The following TGDS variants were observed in gnomAD, a reference collection of about 807,000 sequenced individuals.
The protein encoded by TGDS is TDP-glucose 4,6-dehydratase.
Under a neutral mutation model 52.3 loss-of-function variants are expected in TGDS, and 47 were observed. The ratio of observed to expected loss-of-function variants is 0.90; its 90% CI spans 0.71 to 1.15. The LOEUF is 1.15. Ranked by LOEUF, TGDS falls within the 50% of genes most tolerant of loss-of-function variation. The pLI, the probability that TGDS is intolerant of heterozygous loss-of-function variation, is 0.00. For synonymous variants in TGDS, 115 were observed against 136.9 expected (o/e 0.84, Z 1.12); for missense variants, 375 against 418.4 (o/e 0.90, Z 0.90).
chr13:94,579,619 G>C lies in TGDS; in HGVS notation c.615+275C>G, dbSNP rs187689366. 1.3e-3 allele frequency: 353 copies of C among 269,846 alleles called. 5 individuals carry two copies. Among genetic ancestry groups the C allele is most frequent in the Non-Finnish European group, 1.5e-4 (21 of 144,750 alleles). 16.7% of individuals were successfully genotyped at this position (269,846 alleles called of 1,614,324 possible). On this transcript the variant is annotated intron_variant, in intron 7 of 11. Transcript: ENST00000261296. ...CTATAGTGCTTTAGAGTCTTTAGAA[G>C]TACAAGGTATTTTCACATATATCAT...
At chr13:94,590,194 A>C (rs1002326888) in intron 4 of TGDS, among the ~76,000 whole-genome samples, 7 of 147,946 alleles carry the variant, frequency 4.7e-5, no homozygotes, top group African/African-American at 1.7e-4. Flanking sequence ...ATATATATTT[A>C]ACATATATTA....
chr13:94,583,248 G>C lies in TGDS; in HGVS notation c.314-12C>G, dbSNP rs751009049. The C allele has an allele frequency of 6.2e-7, 1 of 1,609,314 alleles. No individual in the cohort carries two copies. Among genetic ancestry groups the C allele is most frequent in the South Asian group, 1.1e-5 (1 of 90,204 alleles). On this transcript the variant is annotated splice_polypyrimidine_tract_variant and intron_variant, in intron 4 of 11. Transcript: ENST00000261296. Reference sequence around the variant, plus strand: ...TACGAATGAAAGATCTAAAAGAAAAGAGTGAAAAGCTAAAACAAGTCTACC... The same window carrying C: ...TACGAATGAAAGATCTAAAAGAAAACAGTGAAAAGCTAAAACAAGTCTACC...
intron 4 of TGDS, among the ~76,000 whole-genome samples, chr13:94,585,693 G>C (rs1171423908): frequency 6.6e-6 from 1 of 151,612 alleles, no homozygotes; most frequent in African/African-American, 2.4e-5. Context: ...CCAGCTACTT[G>C]GTAGGCTGAA....
In TGDS at chr13:94,576,393, T is replaced by C. The variant is rs1412950633; in HGVS notation, c.903A>G (p.Arg301=). The change falls in exon 11 of 12, where the codon AGA becomes AGG. Residue 301 remains arginine, a synonymous_variant. Transcript: ENST00000261296. The part of the protein sequence containing the change: ...YVNDRPTNDM[R]YPMKSEKIHG... ...GTATTTTTTCTGACTTCATTGGGTA[T>C]CTCATGTCATTGGTGGGTCTTGGAA... The C allele has an allele frequency of 1.3e-6, 2 of 1,596,102 alleles. No individual in the cohort carries two copies. The highest frequency in any genetic ancestry group is 1.7e-6 in the Non-Finnish European group (2 of 1,171,256).
intron 4 of TGDS, among the ~76,000 whole-genome samples, chr13:94,586,485 A>T (rs562007679): frequency 1.1e-4 from 17 of 152,348 alleles, no homozygotes; most frequent in Non-Finnish European, 1.9e-4. Context: ...AACATCATTA[A>T]CCAACTTAAC....
chr13:94,589,536 G>A (rs1030650287), intron 4 of TGDS, among the ~76,000 whole-genome samples: 1 of 151,826 alleles, frequency 6.6e-6, no homozygotes, highest in African/African-American at 2.4e-5. Context: ...GGATGGTCTC[G>A]ATTTCCTGAC....
chr13:94,594,435 T>G (rs1203888121), intron 1 of TGDS, among the ~76,000 whole-genome samples: 1 of 152,186 alleles, frequency 6.6e-6, no homozygotes, highest in African/African-American at 2.4e-5. Context: ...AAACCCAGGA[T>G]TCCCAGGCTA....
intron 4 of TGDS, among the ~76,000 whole-genome samples, chr13:94,587,189 A>G (rs1483430637): frequency 1.3e-5 from 2 of 152,210 alleles, no homozygotes; most frequent in African/African-American, 4.8e-5. Context: ...GTGAAAATTA[A>G]TAAGCTAAAT....
Position 94,578,098 on chromosome 13 carries a change from A to C in TGDS, c.732T>G (p.Thr244=). The C allele has an allele frequency of 6.2e-7, 1 of 1,613,866 alleles. No individual in the cohort carries two copies. Among genetic ancestry groups the C allele is most frequent in the Non-Finnish European group, 8.5e-7 (1 of 1,179,876 alleles). ...YATDVVEAFL[T]VLKKGKPGEI... ...CACCTGGTTTCCCTTTTTTGAGGAC[A>C]GTGAGAAATGCTTCTACAACATCAG... The change falls in exon 9 of 12, where the codon ACT becomes ACG. Residue 244 remains threonine (T), a synonymous_variant. Coordinates refer to ENST00000261296, the MANE Select transcript of TGDS (RefSeq NM_014305.4).
intron 7 of TGDS, chr13:94,579,491 G>C (rs551775976): frequency 1.3e-5 from 2 of 155,080 alleles, no homozygotes; most frequent in African/African-American, 2.4e-5. Context: ...CAAGCTTCTT[G>C]CATCACTATC....
chr13:94,576,855 C>T (rs1213996015), intron 10 of TGDS, among the ~76,000 whole-genome samples: 1 of 152,156 alleles, frequency 6.6e-6, no homozygotes, highest in East Asian at 1.9e-4. Context: ...GTAATCCCAG[C>T]ACTTTCAGAG....
intron 7 of TGDS, chr13:94,579,630 T>G (rs2139518394): frequency 3.4e-6 from 1 of 293,546 alleles, no homozygotes; most frequent in Non-Finnish European, 6.3e-6. Context: ...TACAAGGTAT[T>G]TTCACATATA....
At chr13:94,594,687 C>A (rs1020877357) in intron 1 of TGDS, among the ~76,000 whole-genome samples, 2 of 152,198 alleles carry the variant, frequency 1.3e-5, no homozygotes, top group African/African-American at 4.8e-5. Context: ...CACTCTCACA[C>A]AAGTATCACC....
In TGDS at chr13:94,590,905, A is replaced by T; in HGVS notation, c.261T>A (p.Phe87Leu). The T allele has an allele frequency of 6.3e-7, 1 of 1,577,250 alleles. No individual in the cohort carries two copies. Among genetic ancestry groups the T allele is most frequent in the Non-Finnish European group, 8.6e-7 (1 of 1,168,480 alleles). Reference protein sequence around the residue: ...ICDSHFVKLLFETEKIDIVLH... With the variant: ...ICDSHFVKLLLETEKIDIVLH... ...GTACTATATCTATTTTCTCTGTTTC[A>T]AAAAGCAGTTTCACAAAGTGAGAAT... The change falls in exon 4 of 12, where the codon TTT (phenylalanine) becomes TTA (leucine). Residue 87 changes from phenylalanine (F) to leucine (L), a missense_variant. Coordinates refer to ENST00000261296, the MANE Select transcript of TGDS (RefSeq NM_014305.4).
Position 94,580,013 on chromosome 13 carries a change from A to T in TGDS, c.556-60T>A. 3.4e-6 allele frequency: 4 copies of T among 1,160,188 alleles called. No homozygotes were observed. The Admixed American group carries it at 8.7e-5, about 25-fold the overall frequency. The allele number at this position is 1,160,188 out of a possible 1,614,324, so 71.9% of individuals were successfully genotyped here. A position where few individuals can be genotyped will look rare whatever the true frequency, so the allele number is the denominator to read the frequency against. On this transcript the variant is annotated intron_variant, in intron 6 of 11. Transcript: ENST00000261296. ...AGGTCTAATAATAATGATTATTTTA[A>T]AGATAAGCAGAATTTCAAAATATGG...
chr13:94,577,478 A>G (rs771606483), intron 9 of TGDS, 49 bp from the exon 10 acceptor site: 1 of 1,476,788 alleles, frequency 6.8e-7, no homozygotes, highest in South Asian at 1.3e-5. Flanking sequence ...ATGAGATCAG[A>G]GAATAACAAT....
chr13:94,590,494 A>G (rs1299499882), intron 4 of TGDS, among the ~76,000 whole-genome samples: 1 of 152,150 alleles, frequency 6.6e-6, no homozygotes, highest in Non-Finnish European at 1.5e-5. Context: ...TCAAATTATT[A>G]GAAAATATCT....
chr13:94,576,206 G>A (rs535950735), intron 11 of TGDS, 108 bp downstream of exon 11: 11 of 651,702 alleles, frequency 1.7e-5, no homozygotes, highest in African/African-American at 9.4e-5. Context: ...TGAAAAGTAC[G>A]AATGATTCAA....
chr13:94,580,951 T>G (rs987980659), intron 6 of TGDS, 140 bp downstream of exon 6: 81 of 468,932 alleles, frequency 1.7e-4, no homozygotes, highest in Non-Finnish European at 2.7e-4. Flanking sequence ...CCAGCCTGAG[T>G]GTCAGATTGC....
Sources: allele counts gnomAD v4.1 joint callset (sites outside exome capture counted in the v4.1 genomes callset), GRCh38; gene constraint gnomAD v4.1.1; transcripts MANE v1.5; gene names NCBI Gene and HGNC (gene_info 2026-07-23, HGNC 2026-07-21).